Variants in ASAP1 observed in about 807,000 individuals in gnomAD.
The protein encoded by ASAP1 is arf-GAP with SH3 domain, ANK repeat and PH domain-containing protein 1.
ASAP1 carries 43 observed loss-of-function variants against 145.2 expected under a neutral mutation model. That is an observed-to-expected ratio of 0.30 (90% confidence interval 0.23 to 0.38). The LOEUF is 0.38. Among genes scored for constraint, ASAP1 ranks in the 10% least tolerant of loss-of-function variants. The pLI is 1.00. For synonymous variants in ASAP1, 546 were observed against 515.5 expected (o/e 1.06, Z -0.80); for missense variants, 1,018 against 1,355.3 (o/e 0.75, Z 3.91).
At chr8:130,214,825 C>T (rs1816797171) in intron 4 of ASAP1, 124 bp from the exon 5 acceptor site, 1 of 779,064 alleles carries the variant, frequency 1.3e-6, no homozygotes, top group African/African-American at 1.7e-5. Flanking sequence ...TTATTTATTG[C>T]ACATGTCCCA....
chr8:130,304,994 C>T (rs573707727), intron 3 of ASAP1, among the ~76,000 whole-genome samples: 19 of 151,478 alleles, frequency 1.3e-4, no homozygotes, highest in Admixed American at 5.9e-4. Context: ...TCCTCACACG[C>T]TCTACACCTT....
At chr8:130,132,495 C>A (rs1306771859) in intron 15 of ASAP1, among the ~76,000 whole-genome samples, 1 of 152,292 alleles carries the variant, frequency 6.6e-6, no homozygotes, top group East Asian at 1.9e-4. Context: ...CCTTCCCCTA[C>A]GTTCCTGAGC....
At chr8:130,255,435 T>C (rs1200288692) in intron 3 of ASAP1, among the ~76,000 whole-genome samples, 2 of 152,330 alleles carry the variant, frequency 1.3e-5, no homozygotes, top group Middle Eastern at 3.4e-3. Flanking sequence ...TCACTTAATA[T>C]TAAACTGCAA....
chr8:130,372,923 C>T (rs1442530757), intron 2 of ASAP1, among the ~76,000 whole-genome samples: 1 of 152,002 alleles, frequency 6.6e-6, no homozygotes, highest in Non-Finnish European at 1.5e-5. Flanking sequence ...GACACACATA[C>T]ACAGACACAC....
chr8:130,067,695 C>T (rs1156900848), intron 27 of ASAP1, among the ~76,000 whole-genome samples: 2 of 152,164 alleles, frequency 1.3e-5, no homozygotes, highest in African/African-American at 4.8e-5. Context: ...GCCACCGTGC[C>T]CAGCCCCACT....
At chr8:130,142,228 C>G (rs766609507) in intron 13 of ASAP1, among the ~76,000 whole-genome samples, 2 of 152,190 alleles carry the variant, frequency 1.3e-5, no homozygotes, top group South Asian at 2.1e-4. Context: ...TGCGGTCACT[C>G]TGCAGTCCAG....
chr8:130,363,034 C>T (rs1826789987), intron 2 of ASAP1, among the ~76,000 whole-genome samples: 1 of 152,136 alleles, frequency 6.6e-6, no homozygotes, highest in Non-Finnish European at 1.5e-5. Context: ...GCTACTAGAC[C>T]TTGTTAAAGT....
chr8:130,090,111 G>A (rs1211323199), intron 25 of ASAP1, among the ~76,000 whole-genome samples: 1 of 152,096 alleles, frequency 6.6e-6, no homozygotes, highest in African/African-American at 2.4e-5. Flanking sequence ...ATCAACAATG[G>A]GGGGAAAAAC....
intron 1 of ASAP1, among the ~76,000 whole-genome samples, chr8:130,425,629 A>G (rs558250656): frequency 3.3e-4 from 50 of 152,346 alleles, no homozygotes; most frequent in African/African-American, 1.2e-3. Flanking sequence ...AAGGTTAAGC[A>G]TAAGGGGGAT....
rs76382860 is a variant in ASAP1, at chr8:130,371,872, A to C, written c.60-13729T>G. On this transcript the variant is annotated intron_variant, in intron 2 of 29. Transcript: ENST00000518721. ...GTTATTTGGGTTTTTGTTTGTACAGAGTTGAAATCTAATCCTAATTTATAT... is the reference window on the plus strand; with the variant it reads ...GTTATTTGGGTTTTTGTTTGTACAGCGTTGAAATCTAATCCTAATTTATAT... Among the ~76,000 whole-genome samples, 1,230 of 152,342 alleles carry C rather than the reference A, an allele frequency of 8.1e-3. 21 individuals are homozygous for C. The highest frequency in any genetic ancestry group is 0.028 in the African/African-American group (1,177 of 41,564).
intron 28 of ASAP1, among the ~76,000 whole-genome samples, chr8:130,060,369 G>A (rs1173913618): frequency 6.6e-6 from 1 of 152,216 alleles, no homozygotes; most frequent in Non-Finnish European, 1.5e-5. Flanking sequence ...GTCAGGCACT[G>A]AAGCCAGGTC....
chr8:130,299,094 G>C (rs776095489), intron 3 of ASAP1, among the ~76,000 whole-genome samples: 6 of 152,114 alleles, frequency 3.9e-5, no homozygotes, highest in Non-Finnish European at 8.8e-5. Flanking sequence ...AAATGGGGAG[G>C]TGAAAAAAGG....
chr8:130,396,919 T>C (rs1586970129), intron 2 of ASAP1, among the ~76,000 whole-genome samples: 2 of 152,196 alleles, frequency 1.3e-5, no homozygotes, highest in East Asian at 3.8e-4. Flanking sequence ...GAGAAAAACC[T>C]GAACATAAGG....
At chr8:130,191,580 C>CTATTATG (rs1815143872) in intron 5 of ASAP1, among the ~76,000 whole-genome samples, 1 of 152,154 alleles carries the variant, frequency 6.6e-6, no homozygotes, top group Non-Finnish European at 1.5e-5. Flanking sequence ...CTACATTATG[C>CTATTATG]TATTATGTAT....
chr8:130,066,400 A>AG (rs1212598107), intron 27 of ASAP1, among the ~76,000 whole-genome samples: 3 of 152,168 alleles, frequency 2.0e-5, no homozygotes, highest in Non-Finnish European at 4.4e-5. Context: ...AAATAGAGAC[A>AG]GGGTCTCACT....
At position 130,060,798 on chromosome 8, in the gene ASAP1, G is replaced by A. The variant is rs747121611; in HGVS notation, c.2973C>T (p.Pro991=). 1.9e-6 allele frequency: 3 copies of A among 1,614,108 alleles called. No individual in the cohort carries two copies. In the South Asian group the frequency reaches 3.3e-5, roughly 18 times the overall value. Residue 991 remains proline, a synonymous_variant, in exon 28 of 30, where the codon CCC becomes CCT. Transcript: ENST00000518721. The stretch of plus-strand genomic sequence containing the variant: ...CTAGCAGGTCTCCCAGCTGTGGTTT[G>A]GGGGGCAGGTCCTTCATCTGTGGTT... ...PPKPQMKDLP[P]KPQLGDLLAK... is the part of the protein sequence containing the mutation.
chr8:130,250,270 A>C (rs2136844517), intron 3 of ASAP1, among the ~76,000 whole-genome samples: 1 of 152,206 alleles, frequency 6.6e-6, no homozygotes, highest in African/African-American at 2.4e-5. Flanking sequence ...CTTTTTGGAG[A>C]TGAAGAAATT....
In ASAP1 at chr8:130,124,020, T is replaced by A; in HGVS notation, c.1600A>T (p.Ser534Cys). The change falls in exon 18 of 30, where the codon AGT (serine) becomes TGT (cysteine). Residue 534 changes from serine (S) to cysteine (C), a missense_variant. Physicochemically the swap from Ser to Cys is moderately radical, Grantham distance 112 (BLOSUM62 -1). Around this residue, in one of 9 missense-constraint regions of ASAP1, gnomAD observed 153 missense variants for 221.6 expected, o/e 0.69. Coordinates refer to ENST00000518721, the MANE Select transcript of ASAP1 (RefSeq NM_018482.4). ...PSPSPKPTPS[S>C]DMTVRKEYIT... ...TATATCAGAAATACTTACATATCAC[T>A]TGAAGGGGTGGGTTTTGGTGAGGGG... 1 of 1,606,126 alleles carries A rather than the reference T, an allele frequency of 6.2e-7. No homozygotes were observed. The highest frequency in any genetic ancestry group is 8.5e-7 in the Non-Finnish European group (1 of 1,175,270).
intron 3 of ASAP1, among the ~76,000 whole-genome samples, chr8:130,283,276 C>CA (rs1386653903): frequency 7.3e-5 from 11 of 151,506 alleles, no homozygotes; most frequent in Non-Finnish European, 1.6e-4. Context: ...AACAAACAAA[C>CA]AAACAAACAA....
Sources: allele counts gnomAD v4.1 joint callset (sites outside exome capture counted in the v4.1 genomes callset), GRCh38; gene constraint gnomAD v4.1.1; regional missense constraint gnomAD v4.1.1; transcripts MANE v1.5; gene names NCBI Gene and HGNC (gene_info 2026-07-23, HGNC 2026-07-21).